PIP5K1B: variants seen among roughly 807,000 people sequenced by gnomAD.
PIP5K1B encodes phosphatidylinositol 4-phosphate 5-kinase type-1 beta.
Under a neutral mutation model 67.0 loss-of-function variants are expected in PIP5K1B, and 42 were observed. That is an observed-to-expected ratio of 0.63 (90% CI 0.49 to 0.81). PIP5K1B has a LOEUF of 0.81. Among genes scored for constraint, PIP5K1B ranks in the 30% least tolerant of loss-of-function variants. The pLI is 0.00. For missense variants in PIP5K1B, 459 were observed against 646.3 expected, an observed-to-expected ratio of 0.71 and a Z score of 3.14; for synonymous variants, 214 against 231.4, an observed-to-expected ratio of 0.92 and a Z score of 0.68.
At chr9:68,769,171 C>T (rs536490985) in intron 2 of PIP5K1B, among the ~76,000 whole-genome samples, 1 of 152,292 alleles carries the variant, frequency 6.6e-6, no homozygotes, top group South Asian at 2.1e-4. Flanking sequence ...GGGGAACTGG[C>T]CATTGTCTAC....
chr9:68,863,439 A>T (rs977839108), intron 4 of PIP5K1B, among the ~76,000 whole-genome samples: 1 of 152,110 alleles, frequency 6.6e-6, no homozygotes, highest in African/African-American at 2.4e-5. Context: ...GCACACACAC[A>T]CGTATACAGT....
At chr9:68,741,702 C>T (rs1829017854) in intron 1 of PIP5K1B, 1 of 152,222 alleles carries the variant, frequency 6.6e-6, no homozygotes, top group Non-Finnish European at 1.5e-5. Context: ...GGTAACCAAG[C>T]CTTTTCTTTC....
At chr9:68,807,836 A>G (rs749074841) in intron 2 of PIP5K1B, among the ~76,000 whole-genome samples, 1 of 152,244 alleles carries the variant, frequency 6.6e-6, no homozygotes, top group Non-Finnish European at 1.5e-5. Context: ...TGAATGAAAA[A>G]TGAGAAATAT....
intron 4 of PIP5K1B, among the ~76,000 whole-genome samples, chr9:68,853,965 G>A (rs1822630779): frequency 6.6e-6 from 1 of 152,060 alleles, no homozygotes; most frequent in Non-Finnish European, 1.5e-5. Context: ...ACTGCTGGAG[G>A]CCGGCTTGTG....
chr9:68,966,669 T>A (rs1456550898), intron 14 of PIP5K1B: 1 of 151,964 alleles, frequency 6.6e-6, no homozygotes, highest in Non-Finnish European at 1.5e-5. Flanking sequence ...GTATCCAGAG[T>A]GGGACTCTGG....
At chr9:68,785,016 A>G (rs1033080734) in intron 2 of PIP5K1B, among the ~76,000 whole-genome samples, 9 of 152,144 alleles carry the variant, frequency 5.9e-5, no homozygotes, top group African/African-American at 2.2e-4. Flanking sequence ...TAAAGGTTTA[A>G]TGTTGCCTCT....
At chr9:68,958,194 C>G (rs1043088419) in intron 14 of PIP5K1B, among the ~76,000 whole-genome samples, 2 of 152,076 alleles carry the variant, frequency 1.3e-5, no homozygotes, top group African/African-American at 4.8e-5. Context: ...TTCTCAAATG[C>G]TAAGTTGCCA....
chr9:68,814,900 T>C (rs1010023702), intron 2 of PIP5K1B, among the ~76,000 whole-genome samples: 2 of 152,144 alleles, frequency 1.3e-5, no homozygotes, highest in African/African-American at 4.8e-5. Context: ...GTATATAGTG[T>C]TTATACCCTA....
rs549068485 is a variant in PIP5K1B at position 68,806,205 on chromosome 9, C to A, written c.-85-12256C>A. 3.3e-5 allele frequency among the ~76,000 whole-genome samples: 5 copies of A among 152,320 alleles called. No individual in the cohort carries two copies. In the South Asian group the frequency reaches 8.3e-4, roughly 25 times the overall value. ...AAAGGTGGCACAGGTTATGACCAGG[C>A]AGGGAGAAAGCTGCTCTGAGAACTC... On this transcript the variant is annotated intron_variant, in intron 2 of 15. Transcript: ENST00000265382.
In PIP5K1B at chr9:68,978,806, GA is replaced by G. The variant is rs1829752175; in HGVS notation, c.1503-12333del. 2.0e-5 allele frequency among the ~76,000 whole-genome samples: 3 copies of G among 152,276 alleles called. No individual in the cohort carries two copies. In the South Asian group the frequency reaches 6.2e-4, roughly 32 times the overall value. ...CCCAAGTTACCATCACCCAGATCAAGATAAAGAACATTCCCCCATCCCACCA... is the reference window on the plus strand; with the variant it reads ...CCCAAGTTACCATCACCCAGATCAAGTAAAGAACATTCCCCCATCCCACCA... On this transcript the variant is annotated intron_variant, in intron 14 of 15. Coordinates refer to ENST00000265382, the MANE Select transcript of PIP5K1B (RefSeq NM_003558.4).
intron 2 of PIP5K1B, chr9:68,780,282 CT>C (rs1831179764): frequency 6.3e-7 from 1 of 1,587,660 alleles, no homozygotes; most frequent in Non-Finnish European, 8.6e-7. Context: ...CAGCGCCCCC[CT>C]GATCCACGGC....
chr9:68,906,031 A>C (rs1825593619), intron 8 of PIP5K1B, among the ~76,000 whole-genome samples: 1 of 151,914 alleles, frequency 6.6e-6, no homozygotes, highest in African/African-American at 2.4e-5. Context: ...TGTTTTTTTA[A>C]ATTTTGAGAC....
At chr9:68,882,293 G>A (rs1487720855) in intron 6 of PIP5K1B, among the ~76,000 whole-genome samples, 1 of 152,308 alleles carries the variant, frequency 6.6e-6, no homozygotes, top group East Asian at 1.9e-4. Context: ...AAGTTGTAGA[G>A]TGAGAAACCA....
At chr9:68,976,328 G>A (rs1456678561) in intron 14 of PIP5K1B, among the ~76,000 whole-genome samples, 1 of 152,162 alleles carries the variant, frequency 6.6e-6, no homozygotes, top group African/African-American at 2.4e-5. Context: ...AGTTAGAGAA[G>A]ACCAACTAAG....
intron 2 of PIP5K1B, among the ~76,000 whole-genome samples, chr9:68,765,036 T>C (rs1830364149): frequency 6.6e-6 from 1 of 152,178 alleles, no homozygotes; most frequent in South Asian, 2.1e-4. Context: ...AATGCTTTGA[T>C]GGAATGCTAC....
At chr9:68,994,037 A>ATTTTTTTTTTTTTTTTTTTTTT (rs67700788) in intron 15 of PIP5K1B, among the ~76,000 whole-genome samples, 1 of 118,592 alleles carries the variant, frequency 8.4e-6, no homozygotes, top group African/African-American at 3.1e-5. Context: ...TTTTTCCTGA[A>ATTTTTTTTTTTTTTTTTTTTTT]TTTTTTTTTT....
chr9:68,727,771 C>G (rs963832900), intron 1 of PIP5K1B: 1 of 152,166 alleles, frequency 6.6e-6, no homozygotes, highest in Non-Finnish European at 1.5e-5. Flanking sequence ...GCCCCAGAGC[C>G]GTCTCTCTAC....
rs76797647 is a variant in PIP5K1B, at chr9:68,850,621, C to G, written c.70-13216C>G. Among the ~76,000 whole-genome samples the G allele has an allele frequency of 3.1e-3, 468 of 152,300 alleles. 8 individuals carry two copies. The East Asian group carries it at 0.043, about 14-fold the overall frequency. ...GCTATAAGCATTGTGTTATTTCCCC[C>G]AAAACAGTGCTTAGCACTGAACTAA... is the stretch of plus-strand genomic sequence containing the variant. On this transcript the variant is annotated intron_variant, in intron 4 of 15. Coordinates refer to ENST00000265382, the MANE Select transcript of PIP5K1B (RefSeq NM_003558.4).
At chr9:68,743,804 G>C (rs966579441) in intron 2 of PIP5K1B, among the ~76,000 whole-genome samples, 1 of 152,170 alleles carries the variant, frequency 6.6e-6, no homozygotes, top group Non-Finnish European at 1.5e-5. Context: ...TGAATGGGTG[G>C]AGTTAAAGAG....
Sources: allele counts gnomAD v4.1 joint callset (sites outside exome capture counted in the v4.1 genomes callset), GRCh38; gene constraint gnomAD v4.1.1; transcripts MANE v1.5; gene names NCBI Gene and HGNC (gene_info 2026-07-23, HGNC 2026-07-21).